LHFPL6: variants seen among roughly 807,000 people sequenced by gnomAD.
LHFPL6 encodes LHFPL tetraspan subfamily member 6 protein.
Under a neutral mutation model 20.6 loss-of-function variants are expected in LHFPL6, and 9 were observed. The observed-to-expected ratio is 0.44, with a 90% CI of 0.26 to 0.76. LHFPL6 has a LOEUF of 0.76. Ranked by LOEUF, LHFPL6 falls within the 30% of genes least tolerant of loss-of-function variation. The probability of loss-of-function intolerance (pLI) is 0.20; values close to 1 mark genes in which losing one functional copy is unlikely to be tolerated. For missense variants in LHFPL6, 218 were observed against 253.5 expected (o/e 0.86, Z 0.95); for synonymous variants, 105 against 98.7 (o/e 1.06, Z -0.38).
intron 3 of LHFPL6, among the ~76,000 whole-genome samples, chr13:39,365,917 T>A (rs964687713): frequency 6.6e-6 from 1 of 152,194 alleles, no homozygotes; most frequent in Non-Finnish European, 1.5e-5. Flanking sequence ...AATGCATCAG[T>A]AAGGCTGTAC....
At position 39,583,169 on chromosome 13, in the gene LHFPL6, C is replaced by CTTT. The variant is rs34898470; in HGVS notation, c.385+17660_385+17662dup. On this transcript the variant is annotated intron_variant, in intron 2 of 3. Coordinates refer to ENST00000379589, the MANE Select transcript of LHFPL6 (RefSeq NM_005780.3). ...AAGAAAATGTACAGGATGCCAAATTCTTTTTTTTTTTTTTTTTTTTTTAAG... is the reference window on the plus strand; with the variant it reads ...AAGAAAATGTACAGGATGCCAAATTCTTTTTTTTTTTTTTTTTTTTTTTTTAAG... 3.4e-4 allele frequency among the ~76,000 whole-genome samples: 39 copies of CTTT among 114,116 alleles called. 1 individual carries two copies. The highest frequency in any genetic ancestry group is 8.1e-4 in the African/African-American group (24 of 29,754). 74.9% of individuals were successfully genotyped at this position (114,116 alleles called of 152,430 possible). A position where few individuals can be genotyped will look rare whatever the true frequency, so the allele number is the denominator to read the frequency against.
At chr13:39,601,458 G>A (rs1188038959) in intron 1 of LHFPL6, 68 bp from the exon 2 acceptor site, 1 of 380,286 alleles carries the variant, frequency 2.6e-6, no homozygotes, top group Non-Finnish European at 4.7e-6. Flanking sequence ...GTTTCAGCTA[G>A]TCTACAATTT....
intron 2 of LHFPL6, among the ~76,000 whole-genome samples, chr13:39,457,614 A>G (rs1872601207): frequency 6.6e-6 from 1 of 152,230 alleles, no homozygotes; most frequent in Non-Finnish European, 1.5e-5. Context: ...TGACTCTGCA[A>G]TCTATTCCTG....
intron 2 of LHFPL6, among the ~76,000 whole-genome samples, chr13:39,492,047 C>T (rs200930012): frequency 1.3e-4 from 20 of 152,320 alleles, no homozygotes; most frequent in East Asian, 3.9e-4. Context: ...CAGATGGGAA[C>T]GGTTTTCATT....
chr13:39,557,379 C>T (rs561191453), intron 2 of LHFPL6, among the ~76,000 whole-genome samples: 1 of 152,362 alleles, frequency 6.6e-6, no homozygotes, highest in African/African-American at 2.4e-5. Flanking sequence ...GGCTTGGTGG[C>T]TTCCACACGG....
intron 3 of LHFPL6, among the ~76,000 whole-genome samples, chr13:39,371,364 T>C (rs891391508): frequency 1.3e-5 from 2 of 152,348 alleles, no homozygotes; most frequent in East Asian, 1.9e-4. Flanking sequence ...ATCAATTGGA[T>C]AACCTGATTA....
At chr13:39,445,318 A>G (rs1488531191) in intron 2 of LHFPL6, among the ~76,000 whole-genome samples, 13 of 152,228 alleles carry the variant, frequency 8.5e-5, no homozygotes, top group Admixed American at 8.5e-4. Flanking sequence ...CACACAATGG[A>G]AAGAACATGA....
chr13:39,519,397 C>T (rs1490202486), intron 2 of LHFPL6, among the ~76,000 whole-genome samples: 1 of 152,148 alleles, frequency 6.6e-6, no homozygotes, highest in African/African-American at 2.4e-5. Flanking sequence ...CTCATAGGGA[C>T]ATCTTCCTCA....
At chr13:39,527,293 G>A (rs568296258) in intron 2 of LHFPL6, among the ~76,000 whole-genome samples, 5 of 152,210 alleles carry the variant, frequency 3.3e-5, no homozygotes, top group Admixed American at 6.5e-5. Context: ...ACATCCCTGA[G>A]AAAGAGGCCT....
chr13:39,352,861 ATG>A (rs1300662428), intron 3 of LHFPL6, among the ~76,000 whole-genome samples: 2 of 61,736 alleles, frequency 3.2e-5, no homozygotes, highest in Non-Finnish European at 3.0e-5. Flanking sequence ...ATGTATATAT[ATG>A]TGTATATATA....
chr13:39,451,908 T>G (rs985594334), intron 2 of LHFPL6, among the ~76,000 whole-genome samples: 6 of 152,146 alleles, frequency 3.9e-5, no homozygotes, highest in African/African-American at 1.4e-4. Flanking sequence ...AAAGCAGAAG[T>G]GTAAAACTAC....
At chr13:39,499,169 TC>T (rs1302394840) in intron 2 of LHFPL6, among the ~76,000 whole-genome samples, 1 of 152,222 alleles carries the variant, frequency 6.6e-6, no homozygotes, top group Non-Finnish European at 1.5e-5. Flanking sequence ...GCCTGCCTTT[TC>T]CCCAAACTTC....
chr13:39,435,196 T>C (rs915088398), intron 2 of LHFPL6, among the ~76,000 whole-genome samples: 2 of 151,918 alleles, frequency 1.3e-5, no homozygotes, highest in Admixed American at 6.6e-5. Flanking sequence ...GTGTAATGAG[T>C]TTTTGGGTTT....
chr13:39,399,867 G>C (rs941019858), intron 2 of LHFPL6, among the ~76,000 whole-genome samples: 1 of 152,192 alleles, frequency 6.6e-6, no homozygotes, highest in South Asian at 2.1e-4. Flanking sequence ...ACCGAGGCAG[G>C]TGGATCACCT....
chr13:39,490,590 A>G (rs1336448094), intron 2 of LHFPL6, among the ~76,000 whole-genome samples: 2 of 152,240 alleles, frequency 1.3e-5, no homozygotes, highest in African/African-American at 4.8e-5. Context: ...GTAGCTACTA[A>G]TGCTACATCT....
At chr13:39,518,030 T>C (rs1424438988) in intron 2 of LHFPL6, among the ~76,000 whole-genome samples, 1 of 152,214 alleles carries the variant, frequency 6.6e-6, no homozygotes, top group African/African-American at 2.4e-5. Context: ...TGCCCTTCCC[T>C]TCCTCTAATT....
intron 2 of LHFPL6, among the ~76,000 whole-genome samples, chr13:39,534,880 G>A (rs527485620): frequency 6.6e-6 from 1 of 152,108 alleles, no homozygotes; most frequent in Admixed American, 6.5e-5. Flanking sequence ...TTTTCCTAGG[G>A]CTTCTATAAC....
chr13:39,554,607 A>G (rs1022340904), intron 2 of LHFPL6, among the ~76,000 whole-genome samples: 4 of 152,114 alleles, frequency 2.6e-5, no homozygotes, highest in African/African-American at 7.2e-5. Flanking sequence ...AACAGACCAG[A>G]CTTTTTCACA....
chr13:39,448,588 C>T (rs1566113863), intron 2 of LHFPL6, among the ~76,000 whole-genome samples: 4 of 152,198 alleles, frequency 2.6e-5, no homozygotes, highest in Admixed American at 1.3e-4. Flanking sequence ...ATGATCAGGT[C>T]TGCTGGTAGT....
Sources: gnomAD v4.1 joint callset for allele counts (sites outside exome capture counted in the v4.1 genomes callset) on GRCh38, gnomAD v4.1.1 for gene constraint, MANE v1.5 for transcripts, NCBI Gene and HGNC (gene_info 2026-07-23, HGNC 2026-07-21) for gene names.